The following PALB2 variants were observed in gnomAD, a reference collection of about 807,000 sequenced individuals.
The protein encoded by PALB2 is mutant partner and localizer of BRCA2.
PALB2 carries 82 observed loss-of-function variants against 107.4 expected under a neutral mutation model. That is an observed-to-expected ratio of 0.76 (90% CI 0.64 to 0.92). The LOEUF is 0.92. Among genes scored for constraint, PALB2 ranks in the 40% least tolerant of loss-of-function variants. The pLI is 0.00. For missense variants in PALB2, 1,374 were observed against 1,379.9 expected (o/e 1.00, Z 0.07); for synonymous variants, 489 against 496.8 (o/e 0.98, Z 0.21).
In PALB2 at chr16:23,603,563, G is replaced by GT. The variant is rs587776426; in HGVS notation, c.3456dup (p.Pro1153ThrfsTer4). On this transcript the variant is annotated frameshift_variant, in exon 13 of 13. Transcript: ENST00000261584. LOFTEE classifies it high-confidence loss of function. ...AAAGACCAATGTTGGTCAGAGACAG[G>GT]TGGGAGGAGGGCAGTACACTGACCG... 3 of 1,614,120 alleles carry GT rather than the reference G, an allele frequency of 1.9e-6. No homozygotes were observed. Among genetic ancestry groups the GT allele is most frequent in the Non-Finnish European group, 2.5e-6 (3 of 1,180,016 alleles).
chr16:23,640,305 T>C (rs1259296712), intron 1 of PALB2: 1 of 201,472 alleles, frequency 5.0e-6, no homozygotes, highest in East Asian at 7.6e-5. Context: ...GCTGGAAACA[T>C]CCTAAAAGTC....
intron 10 of PALB2, chr16:23,617,719 G>A (rs1243588092): frequency 6.6e-6 from 1 of 151,766 alleles, no homozygotes; most frequent in Non-Finnish European, 1.5e-5. Context: ...ACTCCAGCAT[G>A]GGCAACAGAC....
rs863224792 is a variant in PALB2, at chr16:23,635,561, G to C, written c.985C>G (p.Leu329Val). ...AAGTTATTGTAGGTGAGTTCATTTA[G>C]AGAACATGAAATATTTGCCTCTAAA... ...SNLEANISCS[L>V]NELTYNNLPA... Residue 329 changes from leucine to valine, a missense_variant, in exon 4 of 13, where the codon CTA (leucine) becomes GTA (valine). Leu to Val is a conservative substitution (Grantham distance 32). Coordinates refer to ENST00000261584, the MANE Select transcript of PALB2 (RefSeq NM_024675.4). 1 of 1,612,956 alleles carries C rather than the reference G, an allele frequency of 6.2e-7. No homozygotes were observed. Among genetic ancestry groups the C allele is most frequent in the Non-Finnish European group, 8.5e-7 (1 of 1,179,488 alleles).
intron 5 of PALB2, 53 bp downstream of exon 5, chr16:23,629,587 A>T (rs2142370693): frequency 6.5e-7 from 1 of 1,534,896 alleles, no homozygotes; most frequent in Non-Finnish European, 9.0e-7. Context: ...GTTTACATTC[A>T]CTAAGGCATT....
rs863224790 is a variant in PALB2, at chr16:23,636,035, A to G, written c.511T>C (p.Leu171=). ...DCVFGTDSLR[L]SGKRLKEQEE... ...TGTTCCTTTAGTCTTTTCCCAGACA[A>G]TCTGAGTGAATCAGTGCCAAAGACA... The change falls in exon 4 of 13, where the codon TTG becomes CTG. Residue 171 remains leucine (L), a synonymous_variant. Transcript: ENST00000261584. 6.2e-7 allele frequency: 1 copy of G among 1,614,124 alleles called. No individual in the cohort carries two copies. The highest frequency in any genetic ancestry group is 8.5e-7 in the Non-Finnish European group (1 of 1,180,008).
rs587782579 is a variant in PALB2, at chr16:23,629,233, C to T, written c.2557G>A (p.Gly853Ser). 12 of 1,613,592 alleles carry T rather than the reference C, an allele frequency of 7.4e-6. No individual in the cohort carries two copies. In the African/African-American group the frequency reaches 1.6e-4, roughly 22 times the overall value. The change falls in exon 6 of 13, where the codon GGC becomes AGC. Residue 853 changes from glycine (G) to serine (S), a missense_variant. Coordinates refer to ENST00000261584, the MANE Select transcript of PALB2 (RefSeq NM_024675.4). ...AACTCTGAAACCAATTGTAGGTTGC[C>T]TGGGTTTATGCTATCAGAAGCAGGA... The part of the protein sequence containing the change: ...ELPASDSINP[G>S]NLQLVSELKN...
intron 6 of PALB2, among the ~76,000 whole-genome samples, chr16:23,627,493 C>CAAAAAAA (rs749429582): frequency 1.5e-4 from 8 of 54,662 alleles, no homozygotes; most frequent in African/African-American, 2.1e-4. Flanking sequence ...GACTCCGTCT[C>CAAAAAAA]AAAAAAAAAA....
intron 4 of PALB2, among the ~76,000 whole-genome samples, chr16:23,633,510 T>C (rs918413763): frequency 6.6e-6 from 1 of 152,206 alleles, no homozygotes; most frequent in African/African-American, 2.4e-5. Context: ...ATTTTGTGCT[T>C]AGTTCATCAG....
chr16:23,629,831 G>A lies in PALB2; in HGVS notation c.2323C>T (p.Gln775Ter), dbSNP rs180177111. 4 of 1,614,214 alleles carry A rather than the reference G, an allele frequency of 2.5e-6. No homozygotes were observed. Among genetic ancestry groups the A allele is most frequent in the Non-Finnish European group, 3.4e-6 (4 of 1,180,036 alleles). ...GCTGGGCTGCCTGAACTGTCGAATT[G>A]TTTAGTATCACTGGCAAGACAGACT... ...DSVCLASDTK[Q>*]FDSSGSPAKP... Residue 775 changes from glutamine (Q) to a stop codon, truncating the protein, a stop_gained, in exon 5 of 13, where the codon CAA (glutamine) becomes TAA (stop). Transcript: ENST00000261584. LOFTEE classifies it high-confidence loss of function.
chr16:23,637,792 C>T, intron 3 of PALB2, 58 bp downstream of exon 3: 1 of 1,367,414 alleles, frequency 7.3e-7, no homozygotes, highest in Non-Finnish European at 1.0e-6. Flanking sequence ...GAACAATAGC[C>T]AAAATATACC....
intron 11 of PALB2, 57 bp from the exon 12 acceptor site, chr16:23,608,069 A>C: frequency 6.4e-7 from 1 of 1,568,470 alleles, no homozygotes; most frequent in African/African-American, 1.4e-5. Flanking sequence ...TGTCAGGAAA[A>C]ATAAAGATCT....
intron 3 of PALB2, 30 bp from the exon 4 acceptor site, chr16:23,636,364 T>C: frequency 7.1e-7 from 1 of 1,417,132 alleles, no homozygotes; most frequent in South Asian, 1.4e-5. Flanking sequence ...ATATAACTTA[T>C]ATTTTTCTTA....
rs962190735 is a variant in PALB2 at position 23,608,155 on chromosome 16, A to AT, written c.3202-144dup. On this transcript the variant is annotated intron_variant, in intron 11 of 12. Transcript: ENST00000261584. ...TATCCAGGATTTAACCACTGGCTTG[A>AT]TTTTTTTCCCTGCCGTCTAGGAACT... is the stretch of plus-strand genomic sequence containing the variant. The AT allele has an allele frequency of 1.3e-5, 12 of 889,950 alleles. No homozygotes were observed. The Admixed American group carries it at 2.5e-4, about 18-fold the overall frequency. 55.1% of individuals were successfully genotyped at this position (889,950 alleles called of 1,614,324 possible).
At chr16:23,615,307 A>T (rs892024480) in intron 10 of PALB2, among the ~76,000 whole-genome samples, 6 of 151,462 alleles carry the variant, frequency 4.0e-5, no homozygotes, top group African/African-American at 1.2e-4. Flanking sequence ...ATGATACTCT[A>T]TTTTTTTGTT....
At chr16:23,619,845 T>C (rs1332993273) in intron 10 of PALB2, among the ~76,000 whole-genome samples, 1 of 152,038 alleles carries the variant, frequency 6.6e-6, no homozygotes, top group Non-Finnish European at 1.5e-5. Flanking sequence ...AGTGGCGCAA[T>C]CTTGACTCAC....
chr16:23,604,096 T>C (rs1323484001), intron 12 of PALB2, among the ~76,000 whole-genome samples: 2 of 152,238 alleles, frequency 1.3e-5, no homozygotes, highest in Non-Finnish European at 2.9e-5. Context: ...TCTCAGGCAG[T>C]GTGCACACAC....
At chr16:23,639,991 T>C (rs968018297) in intron 1 of PALB2, among the ~76,000 whole-genome samples, 4 of 151,960 alleles carry the variant, frequency 2.6e-5, no homozygotes, top group Non-Finnish European at 5.9e-5. Context: ...GTTCAAGCGA[T>C]TCTCGTGCAT....
intron 11 of PALB2, among the ~76,000 whole-genome samples, chr16:23,613,609 A>G (rs962070587): frequency 6.6e-6 from 1 of 151,448 alleles, no homozygotes; most frequent in African/African-American, 2.4e-5. Flanking sequence ...GCGCCATTGC[A>G]CTCCAGCCTG....
rs2142417951 is a variant in PALB2 at position 23,635,171 on chromosome 16, C to G, written c.1375G>C (p.Asp459His). 1 of 1,614,180 alleles carries G rather than the reference C, an allele frequency of 6.2e-7. No individual in the cohort carries two copies. The highest frequency in any genetic ancestry group is 1.1e-5 in the South Asian group (1 of 91,064). The change falls in exon 4 of 13, where the codon GAC becomes CAC. Residue 459 changes from aspartate to histidine, a missense_variant. Transcript: ENST00000261584. Reference protein sequence around the residue: ...KNLNLSNEETDQSEIRMSGTC... With the variant: ...KNLNLSNEETHQSEIRMSGTC... ...CCAGACATCCTAATTTCACTTTGGTCAGTTTCCTCATTGGAAAGGTTTAAA... is the reference window on the plus strand; with the variant it reads ...CCAGACATCCTAATTTCACTTTGGTGAGTTTCCTCATTGGAAAGGTTTAAA...
Sources: allele counts gnomAD v4.1 joint callset (sites outside exome capture counted in the v4.1 genomes callset), GRCh38; gene constraint gnomAD v4.1.1; transcripts MANE v1.5; gene names NCBI Gene and HGNC (gene_info 2026-07-23, HGNC 2026-07-21).